MARF1: variants seen among roughly 807,000 people sequenced by gnomAD.
MARF1 encodes limkain-b1.
In MARF1, 24 loss-of-function variants were observed where a neutral mutation model predicts 168.2. That is an observed-to-expected ratio of 0.14 (90% CI 0.10 to 0.20). The LOEUF (loss-of-function observed/expected upper bound fraction) is 0.20. Among genes scored for constraint, MARF1 ranks in the 10% least tolerant of loss-of-function variants. MARF1 has a pLI of 1.00. For missense variants in MARF1, 1,744 were observed against 2,143.6 expected (o/e 0.81, Z 3.68); for synonymous variants, 868 against 822.4 (o/e 1.06, Z -0.95).
Position 15,643,069 on chromosome 16 carries a change from C to G in MARF1, c.-110G>C. The stretch of plus-strand genomic sequence containing the variant: ...ACATTCCGGCCCCGCCGCCTTCCCC[C>G]CGCCCCCCCCAGGCCCTTTGTTTTG... On this transcript the variant is annotated 5_prime_UTR_variant, in exon 1 of 27. Transcript: ENST00000396368. 3.5e-6 allele frequency: 1 copy of G among 285,974 alleles called. No homozygotes were observed. The highest frequency in any genetic ancestry group is 6.7e-6 in the Non-Finnish European group (1 of 148,272). The allele number at this position is 285,974 out of a possible 1,614,324, so 17.7% of individuals were successfully genotyped here. A position where few individuals can be genotyped will look rare whatever the true frequency, so the allele number is the denominator to read the frequency against.
At chr16:15,611,423 G>C (rs1431844397) in intron 18 of MARF1, among the ~76,000 whole-genome samples, 169 bp downstream of exon 18, 3 of 148,154 alleles carry the variant, frequency 2.0e-5, no homozygotes. Flanking sequence ...CGTGCCACTG[G>C]GCGACAGAGC....
chr16:15,627,439 T>C (rs144342067), intron 7 of MARF1, among the ~76,000 whole-genome samples: 1 of 151,928 alleles, frequency 6.6e-6, no homozygotes, highest in East Asian at 1.9e-4. Flanking sequence ...GCCAACACAG[T>C]GAAACCCCCT....
At chr16:15,627,980 A>C (rs976943215) in intron 7 of MARF1, among the ~76,000 whole-genome samples, 2 of 152,154 alleles carry the variant, frequency 1.3e-5, no homozygotes, top group Non-Finnish European at 2.9e-5. Flanking sequence ...AAATTACCCT[A>C]TGGTATGTCA....
In MARF1 at chr16:15,595,135, CAGG is replaced by C. The variant is rs1438142163; in HGVS notation, c.*1555_*1557del. 6.6e-6 allele frequency: 1 copy of C among 152,610 alleles called. No homozygotes were observed. The highest frequency in any genetic ancestry group is 2.4e-5 in the African/African-American group (1 of 41,438). The allele number at this position is 152,610 out of a possible 1,614,324, so 9.5% of individuals were successfully genotyped here. On this transcript the variant is annotated 3_prime_UTR_variant, in exon 27 of 27. Coordinates refer to ENST00000396368, the MANE Select transcript of MARF1 (RefSeq NM_014647.4). ...ACTATGTCTGTAGAGGAAATGCCTT[CAGG>C]AGGATTCGGAGAGTGCCATAATACT...
Position 15,615,969 on chromosome 16 carries a change from T to C in MARF1, c.3114A>G (p.Leu1038=), listed in dbSNP as rs758782061. ...CTCCTTGGTTTTCTTGCACTACTTC[T>C]AGATCGCCAAACTCTGCAATGTAAC... ...PDCYIAEFGD[L]EVVQENQGGV... is the part of the protein sequence containing the mutation. Residue 1038 remains leucine, a synonymous_variant, in exon 16 of 27, where the codon CTA becomes CTG. Coordinates refer to ENST00000396368, the MANE Select transcript of MARF1 (RefSeq NM_014647.4). 5 of 1,561,838 alleles carry C rather than the reference T, an allele frequency of 3.2e-6. No homozygotes were observed. The highest frequency in any genetic ancestry group is 4.3e-6 in the Non-Finnish European group (5 of 1,152,316).
At chr16:15,621,594 A>G in intron 12 of MARF1, 139 bp downstream of exon 12, 1 of 836,482 alleles carries the variant, frequency 1.2e-6, no homozygotes, top group Non-Finnish European at 1.8e-6. Flanking sequence ...TTCTAACTGT[A>G]TCAATCTAGA....
intron 26 of MARF1, 128 bp from the exon 27 acceptor site, chr16:15,597,065 G>A (rs372887065): frequency 1.3e-4 from 142 of 1,064,432 alleles, no homozygotes; most frequent in African/African-American, 7.5e-4. Context: ...CTACATCTAT[G>A]CCACAGTTTA....
In MARF1 at chr16:15,596,256, TTAA is replaced by T. The variant is rs1017643965; in HGVS notation, c.*434_*436del. On this transcript the variant is annotated 3_prime_UTR_variant, in exon 27 of 27. Transcript: ENST00000396368. ...CTTCAAAGACATGCCACGCACTGGGTTAATACTGTCGGAAACACCAGTAAGCAA... is the reference window on the plus strand; with the variant it reads ...CTTCAAAGACATGCCACGCACTGGGTTACTGTCGGAAACACCAGTAAGCAA... 1.9e-5 allele frequency: 3 copies of T among 154,200 alleles called. No homozygotes were observed. The highest frequency in any genetic ancestry group is 4.3e-5 in the Non-Finnish European group (3 of 69,198). 9.6% of individuals were successfully genotyped at this position (154,200 alleles called of 1,614,324 possible). A position where few individuals can be genotyped will look rare whatever the true frequency, so the allele number is the denominator to read the frequency against.
At chr16:15,621,292 T>C (rs1298242425) in intron 12 of MARF1, among the ~76,000 whole-genome samples, 2 of 152,230 alleles carry the variant, frequency 1.3e-5, no homozygotes, top group African/African-American at 4.8e-5. Flanking sequence ...GAGACTGAGA[T>C]AGTCTTAAGG....
chr16:15,611,475 AC>A, intron 18 of MARF1, 116 bp downstream of exon 18: 1 of 873,122 alleles, frequency 1.1e-6, no homozygotes, highest in East Asian at 2.8e-5. Flanking sequence ...ACAAAAAACT[AC>A]TACAAGTTTT....
At position 15,594,926 on chromosome 16, in the gene MARF1, A is replaced by ATACCTCT. The variant is rs2031536721; in HGVS notation, c.*1760_*1766dup. 6.6e-6 allele frequency: 1 copy of ATACCTCT among 152,634 alleles called. No individual in the cohort carries two copies. The highest frequency in any genetic ancestry group is 6.5e-5 in the Admixed American group (1 of 15,284). The allele number at this position is 152,634 out of a possible 1,614,324, so 9.5% of individuals were successfully genotyped here. On this transcript the variant is annotated 3_prime_UTR_variant, in exon 27 of 27. Coordinates refer to ENST00000396368, the MANE Select transcript of MARF1 (RefSeq NM_014647.4). Reference sequence around the variant, plus strand: ...AGTCTGTTCCAGGTGACTTGTAATGATACCTCTTACGGTTTTAAAGTCCAC... The same window carrying ATACCTCT: ...AGTCTGTTCCAGGTGACTTGTAATGATACCTCTTACCTCTTACGGTTTTAAAGTCCAC...
intron 21 of MARF1, among the ~76,000 whole-genome samples, chr16:15,605,148 G>A (rs569916874): frequency 7.9e-5 from 12 of 152,314 alleles, no homozygotes; most frequent in Middle Eastern, 6.8e-3. Flanking sequence ...AGGCTGTGGC[G>A]TGAGCCTTTC....
chr16:15,636,417 T>G, intron 2 of MARF1, 75 bp from the exon 3 acceptor site: 1 of 1,035,690 alleles, frequency 9.7e-7, no homozygotes, highest in Non-Finnish European at 1.4e-6. Context: ...TCTTACTGCA[T>G]GCACAAACAG....
intron 26 of MARF1, among the ~76,000 whole-genome samples, chr16:15,597,905 T>C (rs918586209): frequency 6.6e-6 from 1 of 152,168 alleles, no homozygotes; most frequent in Non-Finnish European, 1.5e-5. Flanking sequence ...CCGCAGGCAG[T>C]TACTTCCCCA....
At chr16:15,604,718 T>C (rs1056579132) in intron 21 of MARF1, among the ~76,000 whole-genome samples, 1 of 152,144 alleles carries the variant, frequency 6.6e-6, no homozygotes, top group Non-Finnish European at 1.5e-5. Context: ...GGACACAGAC[T>C]GGCCAGCTGA....
intron 10 of MARF1, among the ~76,000 whole-genome samples, chr16:15,624,489 A>G (rs1309816094): frequency 6.6e-6 from 1 of 152,192 alleles, no homozygotes; most frequent in African/African-American, 2.4e-5. Context: ...ACATAGGGAC[A>G]TCTTTACATG....
chr16:15,597,201 G>T (rs553093490), intron 26 of MARF1, among the ~76,000 whole-genome samples: 57 of 152,262 alleles, frequency 3.7e-4, no homozygotes, highest in African/African-American at 1.2e-3. Flanking sequence ...AATGAGCAAA[G>T]GTTAAAACTT....
Position 15,636,358 on chromosome 16 carries a change from C to G in MARF1, c.145-16G>C. ...TGTACTCTTTCTGAGAAAAGAAAAT[C>G]AGAACATAAATTAATTTTATGAGGT... On this transcript the variant is annotated splice_polypyrimidine_tract_variant and intron_variant, in intron 2 of 26. Coordinates refer to ENST00000396368, the MANE Select transcript of MARF1 (RefSeq NM_014647.4). 1 of 1,518,156 alleles carries G rather than the reference C, an allele frequency of 6.6e-7. No homozygotes were observed. The highest frequency in any genetic ancestry group is 2.3e-5 in the East Asian group (1 of 43,980). 94.0% of individuals were successfully genotyped at this position (1,518,156 alleles called of 1,614,324 possible).
At chr16:15,624,651 G>A in intron 10 of MARF1, 118 bp downstream of exon 10, 2 of 928,234 alleles carry the variant, frequency 2.2e-6, no homozygotes, top group Non-Finnish European at 3.3e-6. Context: ...GCAGAAGAGT[G>A]ATGGGAGACT....
Sources: gnomAD v4.1 joint callset for allele counts (sites outside exome capture counted in the v4.1 genomes callset) on GRCh38, gnomAD v4.1.1 for gene constraint, MANE v1.5 for transcripts, NCBI Gene and HGNC (gene_info 2026-07-23, HGNC 2026-07-21) for gene names.